RCAN2: variants seen among roughly 807,000 people sequenced by gnomAD.
The protein encoded by RCAN2 is calcipressin-2.
A neutral mutation model predicts 23.6 loss-of-function variants in RCAN2; 9 were observed. The observed-to-expected ratio is 0.38, with a 90% CI of 0.23 to 0.67. The LOEUF (loss-of-function observed/expected upper bound fraction) is 0.67. Among genes scored for constraint, RCAN2 ranks in the 30% least tolerant of loss-of-function variants. RCAN2 has a pLI of 0.51. For synonymous variants in RCAN2, 109 were observed against 115.7 expected (o/e 0.94, Z 0.37); for missense variants, 273 against 302.3 (o/e 0.90, Z 0.72).
chr6:46,481,350 C>T (rs550878198), intron 1 of RCAN2, among the ~76,000 whole-genome samples: 3 of 152,166 alleles, frequency 2.0e-5, no homozygotes, highest in South Asian at 2.1e-4. Flanking sequence ...GCCATAAATG[C>T]AGGTTCAACA....
intron 2 of RCAN2, among the ~76,000 whole-genome samples, chr6:46,250,331 A>C (rs1041517916): frequency 2.0e-5 from 3 of 152,242 alleles, no homozygotes; most frequent in Admixed American, 2.0e-4. Flanking sequence ...GAAAACTAGT[A>C]TATGTTATAA....
chr6:46,338,859 A>C (rs888901063), intron 2 of RCAN2, among the ~76,000 whole-genome samples: 1 of 151,430 alleles, frequency 6.6e-6, no homozygotes, highest in African/African-American at 2.4e-5. Context: ...AAAAACATAC[A>C]AAAAAAATAG....
intron 1 of RCAN2, among the ~76,000 whole-genome samples, chr6:46,481,196 T>C (rs1351523427): frequency 6.6e-6 from 1 of 152,164 alleles, no homozygotes; most frequent in Non-Finnish European, 1.5e-5. Context: ...ACTTAAAGTC[T>C]ACTGAACTCT....
At chr6:46,299,570 A>G (rs1762837164) in intron 2 of RCAN2, among the ~76,000 whole-genome samples, 1 of 151,992 alleles carries the variant, frequency 6.6e-6, no homozygotes, top group South Asian at 2.1e-4. Flanking sequence ...AGCTACTAAG[A>G]AGGCTTTCTT....
intron 2 of RCAN2, among the ~76,000 whole-genome samples, chr6:46,362,250 T>G (rs1260049383): frequency 6.6e-6 from 1 of 152,146 alleles, no homozygotes; most frequent in Non-Finnish European, 1.5e-5. Flanking sequence ...ATCGTCTTTT[T>G]CTTTTTCCCA....
At chr6:46,244,094 C>A (rs966853794) in intron 4 of RCAN2, among the ~76,000 whole-genome samples, 31 of 152,120 alleles carry the variant, frequency 2.0e-4, no homozygotes, top group African/African-American at 6.3e-4. Context: ...AATAATAGGT[C>A]CTATCTCTGT....
intron 2 of RCAN2, among the ~76,000 whole-genome samples, chr6:46,299,550 T>C (rs556020213): frequency 5.3e-5 from 8 of 152,138 alleles, no homozygotes; most frequent in Admixed American, 2.0e-4. Flanking sequence ...TTTTCTCACA[T>C]GAAAACTTGA....
intron 2 of RCAN2, among the ~76,000 whole-genome samples, chr6:46,355,914 T>G (rs543069178): frequency 1.3e-5 from 2 of 152,334 alleles, no homozygotes; most frequent in African/African-American, 4.8e-5. Context: ...AACCTCATGC[T>G]GCTCCACTTG....
chr6:46,473,543 C>G (rs1192958667), intron 1 of RCAN2, among the ~76,000 whole-genome samples: 2 of 152,112 alleles, frequency 1.3e-5, no homozygotes, highest in Non-Finnish European at 2.9e-5. Flanking sequence ...CATCAGGAAC[C>G]AAATGTCAAT....
At chr6:46,275,055 A>T (rs1219444103) in intron 2 of RCAN2, among the ~76,000 whole-genome samples, 4 of 152,164 alleles carry the variant, frequency 2.6e-5, no homozygotes, top group Non-Finnish European at 5.9e-5. Context: ...CTTAACAACC[A>T]TATCTCAACA....
At chr6:46,227,673 T>A (rs1680282904) in intron 4 of RCAN2, among the ~76,000 whole-genome samples, 1 of 152,220 alleles carries the variant, frequency 6.6e-6, no homozygotes, top group Non-Finnish European at 1.5e-5. Flanking sequence ...TTCTTCTCTC[T>A]TTTCTTCTTT....
chr6:46,291,527 A>G (rs1413835883), intron 2 of RCAN2, among the ~76,000 whole-genome samples: 2 of 151,960 alleles, frequency 1.3e-5, no homozygotes, highest in East Asian at 1.9e-4. Context: ...CAGGGCTTTG[A>G]TTGGAAGCTC....
At chr6:46,237,082 T>G (rs968387576) in intron 4 of RCAN2, among the ~76,000 whole-genome samples, 1 of 152,224 alleles carries the variant, frequency 6.6e-6, no homozygotes, top group African/African-American at 2.4e-5. Context: ...ACTCTCATAC[T>G]TCCCACTGTT....
intron 1 of RCAN2, among the ~76,000 whole-genome samples, chr6:46,487,179 T>C (rs1217593139): frequency 6.6e-6 from 1 of 152,180 alleles, no homozygotes; most frequent in Admixed American, 6.5e-5. Context: ...ATACTATTTC[T>C]TTATTTACAG....
intron 2 of RCAN2, among the ~76,000 whole-genome samples, chr6:46,403,148 G>A (rs1325640564): frequency 6.6e-6 from 1 of 152,008 alleles, no homozygotes; most frequent in African/African-American, 2.4e-5. Flanking sequence ...TGTATTTTTA[G>A]TAGAGACGGG....
At chr6:46,341,194 A>G (rs1490976679) in intron 2 of RCAN2, among the ~76,000 whole-genome samples, 4 of 152,214 alleles carry the variant, frequency 2.6e-5, no homozygotes, top group African/African-American at 9.6e-5. Flanking sequence ...CAGGCTGCCA[A>G]TGCCCTATAC....
At chr6:46,282,394 C>A (rs2584086) in intron 2 of RCAN2, among the ~76,000 whole-genome samples, 1,922 of 147,802 alleles carry the variant, frequency 0.013, 20 homozygotes, top group Non-Finnish European at 0.019. Context: ...AAAAAAAAAA[C>A]AAAAAATTAG....
intron 2 of RCAN2, among the ~76,000 whole-genome samples, chr6:46,405,352 G>T (rs529304603): frequency 6.6e-6 from 1 of 152,250 alleles, no homozygotes; most frequent in South Asian, 2.1e-4. Context: ...GGACCCGAGC[G>T]GGTTGCCACT....
chr6:46,432,328 C>T (rs1052931123), intron 2 of RCAN2, among the ~76,000 whole-genome samples: 4 of 152,060 alleles, frequency 2.6e-5, no homozygotes, highest in African/African-American at 9.7e-5. Context: ...ATTCTCTTGC[C>T]TCAGCCTCCC....
Sources: gnomAD v4.1 joint callset for allele counts (sites outside exome capture counted in the v4.1 genomes callset) on GRCh38, gnomAD v4.1.1 for gene constraint, MANE v1.5 for transcripts, NCBI Gene and HGNC (gene_info 2026-07-23, HGNC 2026-07-21) for gene names.